Variants in FBXL13 observed in about 807,000 individuals in gnomAD.
The protein encoded by FBXL13 is F-box and leucine rich repeat protein 13.
A neutral mutation model predicts 83.6 loss-of-function variants in FBXL13; 67 were observed. The observed-to-expected ratio is 0.80, with a 90% CI of 0.66 to 0.98. FBXL13 has a LOEUF of 0.98. Ranked by LOEUF, FBXL13 falls within the 50% of genes least tolerant of loss-of-function variation. The pLI, the probability that FBXL13 is intolerant of heterozygous loss-of-function variation, is 0.00. For missense variants in FBXL13, 822 were observed against 866.5 expected (o/e 0.95, Z 0.64); for synonymous variants, 272 against 299.5 (o/e 0.91, Z 0.95).
At chr7:102,968,712 T>C (rs541777957) in intron 6 of FBXL13, among the ~76,000 whole-genome samples, 33 of 152,334 alleles carry the variant, frequency 2.2e-4, no homozygotes, top group Admixed American at 5.9e-4. Flanking sequence ...AAAACAAATA[T>C]GCAAGGACCC....
chr7:102,855,898 TAA>T (rs1273039300), intron 16 of FBXL13, among the ~76,000 whole-genome samples: 10 of 139,246 alleles, frequency 7.2e-5, no homozygotes, highest in Admixed American at 1.4e-4. Context: ...GGCCTTCTCA[TAA>T]AAAAAAAAAA....
At chr7:102,883,837 T>A (rs1225489812) in intron 12 of FBXL13, 152 bp from the exon 14 acceptor site, 1 of 585,700 alleles carries the variant, frequency 1.7e-6, no homozygotes, top group African/African-American at 1.9e-5. Context: ...CCATACATTT[T>A]AATACACCTA....
intron 18 of FBXL13, among the ~76,000 whole-genome samples, chr7:102,823,754 A>C (rs1364358755): frequency 6.6e-6 from 1 of 152,234 alleles, no homozygotes; most frequent in Non-Finnish European, 1.5e-5. Context: ...TTTTAACATA[A>C]AGTTAAAAGA....
At position 102,950,692 on chromosome 7, in the gene FBXL13, A is replaced by T. The variant is rs1585097341; in HGVS notation, c.724+12841T>A. 2.0e-5 allele frequency among the ~76,000 whole-genome samples: 3 copies of T among 152,368 alleles called. No individual in the cohort carries two copies. In the East Asian group the frequency reaches 5.8e-4, roughly 29 times the overall value. On this transcript the variant is annotated intron_variant, in intron 8 of 19. Coordinates refer to ENST00000313221, the Ensembl canonical transcript of FBXL13. ...TTCAGCATTAAAAAAATGATTTATC[A>T]AGCCATGAAAAGACATAAAGGAAAT...
rs528925668 is a variant in FBXL13, at chr7:103,001,313, A to C, written c.495+23750T>G. On this transcript the variant is annotated intron_variant, in intron 6 of 19. Transcript: ENST00000313221. Reference sequence around the variant, plus strand: ...TTCAGTCTATATGTGCCTATATGTGAAATAGGTTTCTTGTAGGCAGTATAT... The same window carrying C: ...TTCAGTCTATATGTGCCTATATGTGCAATAGGTTTCTTGTAGGCAGTATAT... 8.9e-4 allele frequency among the ~76,000 whole-genome samples: 135 copies of C among 152,156 alleles called. 1 individual carries two copies. The South Asian group carries it at 0.027, about 31-fold the overall frequency.
chr7:102,857,234 G>A (rs1398567191), intron 16 of FBXL13, among the ~76,000 whole-genome samples: 4 of 151,654 alleles, frequency 2.6e-5, no homozygotes, highest in Admixed American at 2.6e-4. Flanking sequence ...CAAATGGGAT[G>A]ATATCAAACT....
At chr7:102,944,159 A>T in intron 8 of FBXL13, 1 of 1,447,892 alleles carries the variant, frequency 6.9e-7, no homozygotes, top group Non-Finnish European at 9.4e-7. Context: ...CATATGCCAT[A>T]CACTGTATTA....
exon 14 of FBXL13, chr7:102,883,384 T>C: frequency 6.2e-7 from 1 of 1,613,828 alleles, no homozygotes; most frequent in Non-Finnish European, 8.5e-7. Flanking sequence ...GTTATTCCCT[T>C]GCAGTCAGCC....
At chr7:102,929,085 C>A (rs1181462129) in intron 9 of FBXL13, among the ~76,000 whole-genome samples, 1 of 152,156 alleles carries the variant, frequency 6.6e-6, no homozygotes, top group African/African-American at 2.4e-5. Flanking sequence ...GATTAAACAA[C>A]TAATTTAAAT....
intron 5 of FBXL13, among the ~76,000 whole-genome samples, chr7:103,027,221 G>A (rs1030676510): frequency 1.3e-5 from 2 of 150,582 alleles, no homozygotes; most frequent in Admixed American, 1.3e-4. Context: ...GCTTGAACCT[G>A]GGAGGCAGAG....
chr7:102,960,180 A>C (rs1263957129), intron 8 of FBXL13, among the ~76,000 whole-genome samples: 1 of 152,084 alleles, frequency 6.6e-6, no homozygotes, highest in Non-Finnish European at 1.5e-5. Context: ...AGACCCCAAA[A>C]GAGTAGTCAA....
chr7:102,931,644 T>C lies in FBXL13; in HGVS notation c.777+237A>G, dbSNP rs758398309. Among the ~76,000 whole-genome samples, 4 of 152,190 alleles carry C rather than the reference T, an allele frequency of 2.6e-5. No individual in the cohort carries two copies. The South Asian group carries it at 6.2e-4, about 24-fold the overall frequency. On this transcript the variant is annotated intron_variant, in intron 9 of 19. Coordinates refer to ENST00000313221, the Ensembl canonical transcript of FBXL13. ...CCATTAAATATAAATACAGTTCATT[T>C]TGGGTAGTCATTGAAGAATTTCTAC... is the stretch of plus-strand genomic sequence containing the variant.
At chr7:102,872,586 A>G (rs1297484226) in intron 16 of FBXL13, among the ~76,000 whole-genome samples, 1 of 152,230 alleles carries the variant, frequency 6.6e-6, no homozygotes, top group African/African-American at 2.4e-5. Flanking sequence ...AACTTAAGTA[A>G]CAGACTGAAC....
chr7:103,062,426 A>G (rs936994031), intron 1 of FBXL13, among the ~76,000 whole-genome samples: 1 of 152,174 alleles, frequency 6.6e-6, no homozygotes, highest in African/African-American at 2.4e-5. Context: ...CAAAACACAA[A>G]TGCCTTTGGG....
intron 9 of FBXL13, 105 bp from the exon 11 acceptor site, chr7:102,926,479 G>C: frequency 1.3e-6 from 1 of 790,974 alleles, no homozygotes; most frequent in Non-Finnish European, 2.0e-6. Context: ...AAAAATACAT[G>C]TAAGAGTTGG....
chr7:102,926,507 T>C lies in FBXL13; in HGVS notation c.778-133A>G, dbSNP rs1452409188. 4.7e-6 allele frequency: 3 copies of C among 642,950 alleles called. No homozygotes were observed. The African/African-American group carries it at 5.6e-5, about 12-fold the overall frequency. The allele number at this position is 642,950 out of a possible 1,614,324, so 39.8% of individuals were successfully genotyped here. On this transcript the variant is annotated intron_variant, in intron 9 of 19. Transcript: ENST00000313221. Reference sequence around the variant, plus strand: ...AGAGTTGGTTTCTTCATATTCTTTATCTACTATTAGGTTGAAATGAAATTA... The same window carrying C: ...AGAGTTGGTTTCTTCATATTCTTTACCTACTATTAGGTTGAAATGAAATTA...
chr7:102,934,405 C>A, intron 8 of FBXL13: 2 of 1,614,196 alleles, frequency 1.2e-6, no homozygotes, highest in Non-Finnish European at 1.7e-6. Context: ...ATGACAACCC[C>A]TGGCACTGTA....
At chr7:102,984,867 T>G (rs1188479912) in intron 6 of FBXL13, among the ~76,000 whole-genome samples, 1 of 152,242 alleles carries the variant, frequency 6.6e-6, no homozygotes, top group Non-Finnish European at 1.5e-5. Flanking sequence ...ATTAAATTTG[T>G]ATTTCTGATA....
At chr7:102,880,744 A>G (rs1809926505) in intron 14 of FBXL13, among the ~76,000 whole-genome samples, 1 of 152,166 alleles carries the variant, frequency 6.6e-6, no homozygotes, top group African/African-American at 2.4e-5. Context: ...CTTAATCTCT[A>G]GCCTGAGAAG....
Sources: gnomAD v4.1 joint callset for allele counts (sites outside exome capture counted in the v4.1 genomes callset) on GRCh38, gnomAD v4.1.1 for gene constraint, MANE v1.5 for transcripts, NCBI Gene and HGNC (gene_info 2026-07-23, HGNC 2026-07-21) for gene names.